CEP128: variants seen among roughly 807,000 people sequenced by gnomAD.
The protein encoded by CEP128 is centrosomal protein 128, also known as centrosomal protein 128kDa.
CEP128 carries 132 observed loss-of-function variants against 156.7 expected under a neutral mutation model. The observed-to-expected ratio is 0.84, with a 90% CI of 0.73 to 0.97. The LOEUF (loss-of-function observed/expected upper bound fraction) is 0.97. Among genes scored for constraint, CEP128 ranks in the 50% least tolerant of loss-of-function variants. The probability of loss-of-function intolerance (pLI) is 0.00; values close to 1 mark genes in which losing one functional copy is unlikely to be tolerated. For synonymous variants in CEP128, 469 were observed against 448.9 expected (o/e 1.04, Z -0.57); for missense variants, 1,252 against 1,281.9 (o/e 0.98, Z 0.36).
chr14:80,540,201 C>CT (rs981270235), intron 21 of CEP128, among the ~76,000 whole-genome samples: 2 of 149,240 alleles, frequency 1.3e-5, no homozygotes, highest in Admixed American at 6.7e-5. Context: ...TCTTACACCC[C>CT]CCCCCCTTTT....
intron 19 of CEP128, among the ~76,000 whole-genome samples, chr14:80,659,709 C>T (rs928992704): frequency 1.3e-5 from 2 of 152,134 alleles, no homozygotes; most frequent in African/African-American, 4.8e-5. Context: ...GAGGCCAGTA[C>T]CAATCGGTTA....
intron 9 of CEP128, among the ~76,000 whole-genome samples, chr14:80,848,815 G>A (rs970380197): frequency 9.9e-5 from 15 of 151,766 alleles, no homozygotes; most frequent in South Asian, 2.1e-4. Context: ...CCAGATACTC[G>A]GGAGGCTGAG....
intron 19 of CEP128, among the ~76,000 whole-genome samples, chr14:80,703,852 T>C (rs1035681280): frequency 2.6e-5 from 4 of 152,196 alleles, no homozygotes; most frequent in Non-Finnish European, 5.9e-5. Flanking sequence ...TCACATGTAC[T>C]GTGAACTCCA....
Position 80,906,100 on chromosome 14 carries a change from T to C in CEP128, c.235-19A>G. On this transcript the variant is annotated intron_variant, in intron 4 of 24. Coordinates refer to ENST00000555265, the MANE Select transcript of CEP128 (RefSeq NM_152446.5). ...CTTTTAACTAATTTAAAGAATATAA[T>C]GAATGAAGCGTTATTCTTCTTAAAC... is the stretch of plus-strand genomic sequence containing the variant. The C allele has an allele frequency of 3.2e-6, 5 of 1,554,564 alleles. No homozygotes were observed. Among genetic ancestry groups the C allele is most frequent in the Non-Finnish European group, 4.3e-6 (5 of 1,151,880 alleles).
intron 9 of CEP128, among the ~76,000 whole-genome samples, chr14:80,850,762 T>C (rs974951270): frequency 6.6e-6 from 1 of 152,208 alleles, no homozygotes; most frequent in Non-Finnish European, 1.5e-5. Flanking sequence ...AGAATGCATG[T>C]ATCTGGGCAT....
chr14:80,700,018 T>C (rs1897019986), intron 19 of CEP128, among the ~76,000 whole-genome samples: 1 of 151,960 alleles, frequency 6.6e-6, no homozygotes. Flanking sequence ...CGGAGGGCTT[T>C]AAGTGGGGAA....
chr14:80,541,818 TG>T (rs1400425632), intron 21 of CEP128, among the ~76,000 whole-genome samples: 3 of 152,222 alleles, frequency 2.0e-5, no homozygotes, highest in African/African-American at 4.8e-5. Context: ...CCTGCAAGAC[TG>T]GGCTTGGTCA....
chr14:80,707,517 G>T (rs1325094504), intron 19 of CEP128, among the ~76,000 whole-genome samples: 1 of 152,088 alleles, frequency 6.6e-6, no homozygotes, highest in East Asian at 1.9e-4. Context: ...ATGGCAAATG[G>T]TATTTAAATA....
chr14:80,858,103 AAAG>A (rs1887299419), intron 9 of CEP128, among the ~76,000 whole-genome samples: 1 of 152,050 alleles, frequency 6.6e-6, no homozygotes, highest in African/African-American at 2.4e-5. Flanking sequence ...TCCTAAGCCA[AAAG>A]AACAAAGCTG....
At chr14:80,808,886 T>C (rs1884344427) in intron 13 of CEP128, among the ~76,000 whole-genome samples, 1 of 151,886 alleles carries the variant, frequency 6.6e-6, no homozygotes, top group South Asian at 2.1e-4. Context: ...TGAAAGCAAA[T>C]TCAAAAAGTT....
intron 8 of CEP128, among the ~76,000 whole-genome samples, chr14:80,871,088 T>C (rs1389935026): frequency 1.3e-5 from 2 of 151,762 alleles, no homozygotes; most frequent in African/African-American, 2.4e-5. Flanking sequence ...TGTAAAATCT[T>C]GGTAAAAGAA....
intron 19 of CEP128, among the ~76,000 whole-genome samples, chr14:80,589,719 C>T (rs1310647450): frequency 6.6e-6 from 1 of 152,082 alleles, no homozygotes; most frequent in Admixed American, 6.6e-5. Flanking sequence ...AAGGCATGTG[C>T]TGATATTAAC....
rs117171638 is a variant in CEP128, at chr14:80,544,794, C to A, written c.2881-13908G>T. Among the ~76,000 whole-genome samples the A allele has an allele frequency of 3.3e-5, 5 of 152,026 alleles. 1 individual carries two copies. In the East Asian group the frequency reaches 9.7e-4, roughly 29 times the overall value. On this transcript the variant is annotated intron_variant, in intron 21 of 24. Coordinates refer to ENST00000555265, the MANE Select transcript of CEP128 (RefSeq NM_152446.5). ...TTGATGAATAATGATAAAATAATTT[C>A]CAGAATGATAAAATAGCAAAATACT...
intron 12 of CEP128, among the ~76,000 whole-genome samples, chr14:80,834,831 CAT>C (rs944032333): frequency 1.3e-5 from 2 of 152,132 alleles, no homozygotes; most frequent in African/African-American, 4.8e-5. Context: ...AATTATATCA[CAT>C]GAAACTTAAT....
chr14:80,769,454 G>A (rs1392399480), intron 16 of CEP128, among the ~76,000 whole-genome samples: 2 of 151,982 alleles, frequency 1.3e-5, no homozygotes, highest in East Asian at 3.9e-4. Context: ...ACAGGCCCCG[G>A]TGTGTGACGT....
At chr14:80,517,540 C>T (rs1361726146) in intron 23 of CEP128, among the ~76,000 whole-genome samples, 1 of 152,022 alleles carries the variant, frequency 6.6e-6, no homozygotes, top group Non-Finnish European at 1.5e-5. Context: ...TTTTAGGTAT[C>T]TTTCTGTTAT....
chr14:80,573,691 A>G (rs1891240891), intron 20 of CEP128, among the ~76,000 whole-genome samples: 1 of 152,268 alleles, frequency 6.6e-6, no homozygotes, highest in South Asian at 2.1e-4. Flanking sequence ...TAGTAAATTG[A>G]AGGGTGTAAA....
chr14:80,860,972 C>T (rs1887485427), intron 9 of CEP128, among the ~76,000 whole-genome samples: 1 of 151,870 alleles, frequency 6.6e-6, no homozygotes, highest in Non-Finnish European at 1.5e-5. Context: ...GTTGTTTCTA[C>T]TTTTTATATT....
chr14:80,557,898 T>C (rs1890503207), intron 21 of CEP128, among the ~76,000 whole-genome samples: 1 of 152,210 alleles, frequency 6.6e-6, no homozygotes, highest in Admixed American at 6.5e-5. Flanking sequence ...ATGTATTTTC[T>C]TAGCCTTTTT....
Sources: allele counts gnomAD v4.1 joint callset (sites outside exome capture counted in the v4.1 genomes callset), GRCh38; gene constraint gnomAD v4.1.1; transcripts MANE v1.5; gene names NCBI Gene and HGNC (gene_info 2026-07-23, HGNC 2026-07-21).